The following HEMK2 variants were observed in gnomAD, a reference collection of about 807,000 sequenced individuals.
HEMK2 encodes methyltransferase HEMK2.
At chr21:28,598,794 G>A in the HEMK2 span, among the ~76,000 whole-genome samples, 5 of 152,140 alleles carry the variant, frequency 3.3e-5, no homozygotes, top group South Asian at 2.1e-4. Context: ...TTTCTCAATC[G>A]CAGGACAGTA....
At chr21:28,800,892 C>G in the HEMK2 span, among the ~76,000 whole-genome samples, 1 of 152,152 alleles carries the variant, frequency 6.6e-6, no homozygotes, top group Non-Finnish European at 1.5e-5. Flanking sequence ...ATAAAATGAC[C>G]TGTGGGGCCC....
the HEMK2 span, among the ~76,000 whole-genome samples, chr21:28,628,702 C>T: frequency 6.6e-6 from 1 of 152,230 alleles, no homozygotes; most frequent in Non-Finnish European, 1.5e-5. Flanking sequence ...GATTGGCCCA[C>T]CTTGGCCTCC....
chr21:28,629,080 T>G, the HEMK2 span, among the ~76,000 whole-genome samples: 4 of 152,318 alleles, frequency 2.6e-5, no homozygotes, highest in African/African-American at 4.8e-5. Flanking sequence ...CAGCCCTTCC[T>G]CATCCCTCCC....
the HEMK2 span, among the ~76,000 whole-genome samples, chr21:28,844,087 T>TTA: frequency 6.4e-4 from 98 of 152,064 alleles, no homozygotes; most frequent in African/African-American, 2.1e-3. Context: ...GACAAAGGAA[T>TTA]TATATATATA....
chr21:28,753,976 G>A, the HEMK2 span, among the ~76,000 whole-genome samples: 9 of 152,192 alleles, frequency 5.9e-5, no homozygotes, highest in South Asian at 1.5e-3. Context: ...ATCTGTTTTT[G>A]TCTTTTTAGG....
At chr21:28,848,928 G>C in the HEMK2 span, among the ~76,000 whole-genome samples, 5 of 152,118 alleles carry the variant, frequency 3.3e-5, no homozygotes, top group African/African-American at 9.7e-5. Context: ...CCTGCGCTCT[G>C]CCACTGGTAT....
chr21:28,716,504 A>C, the HEMK2 span, among the ~76,000 whole-genome samples: 2 of 152,156 alleles, frequency 1.3e-5, no homozygotes. Flanking sequence ...ACATTACTGA[A>C]GTCATTTATT....
chr21:28,699,644 A>G, the HEMK2 span, among the ~76,000 whole-genome samples: 1 of 152,226 alleles, frequency 6.6e-6, no homozygotes, highest in Non-Finnish European at 1.5e-5. Flanking sequence ...ATTTAAGAGA[A>G]ATTTGTTTAC....
At chr21:28,609,021 C>T in the HEMK2 span, among the ~76,000 whole-genome samples, 396 of 152,268 alleles carry the variant, frequency 2.6e-3, 2 homozygotes, top group African/African-American at 9.0e-3. Context: ...AGCTCTATGG[C>T]CCCACCCACC....
chr21:28,733,659 T>C, the HEMK2 span, among the ~76,000 whole-genome samples: 152,163 of 152,166 alleles, frequency 1, 76,080 homozygotes, highest in Middle Eastern at 1. Flanking sequence ...CCCCATTTTT[T>C]TCACACACAG....
At chr21:28,701,850 C>T in the HEMK2 span, among the ~76,000 whole-genome samples, 2 of 151,898 alleles carry the variant, frequency 1.3e-5, no homozygotes, top group Admixed American at 1.3e-4. Context: ...TCATATGGAA[C>T]CAAAAAAGAG....
At chr21:28,614,107 T>TC in the HEMK2 span, among the ~76,000 whole-genome samples, 1 of 152,088 alleles carries the variant, frequency 6.6e-6, no homozygotes, top group East Asian at 1.9e-4. Context: ...TCTCTTTTCC[T>TC]CCCCCATCTC....
At chr21:28,698,814 T>C in the HEMK2 span, among the ~76,000 whole-genome samples, 7 of 152,230 alleles carry the variant, frequency 4.6e-5, no homozygotes, top group Admixed American at 2.0e-4. Flanking sequence ...ACTGATTAGA[T>C]ATTTTCCCTG....
the HEMK2 span, chr21:28,876,209 TTACTTG>T: frequency 2.4e-6 from 1 of 423,620 alleles, no homozygotes; most frequent in Non-Finnish European, 4.2e-6. Context: ...ATACACATAT[TTACTTG>T]TACTTGTGCA....
At chr21:28,576,260 T>G in the HEMK2 span, among the ~76,000 whole-genome samples, 1 of 152,310 alleles carries the variant, frequency 6.6e-6, no homozygotes, top group African/African-American at 2.4e-5. Context: ...CTGTCAGCCC[T>G]TTTAATTTCA....
the HEMK2 span, among the ~76,000 whole-genome samples, chr21:28,862,997 G>A: frequency 1.3e-5 from 2 of 152,162 alleles, no homozygotes; most frequent in East Asian, 3.9e-4. Context: ...GATGTGTATA[G>A]GCTCAAGTTG....
chr21:28,634,110 C>A, the HEMK2 span, among the ~76,000 whole-genome samples: 5 of 152,288 alleles, frequency 3.3e-5, no homozygotes, highest in African/African-American at 1.2e-4. Flanking sequence ...AATGTCATAT[C>A]CTCTGACTCA....
the HEMK2 span, among the ~76,000 whole-genome samples, chr21:28,692,912 A>G: frequency 2.0e-5 from 3 of 152,196 alleles, no homozygotes; most frequent in Admixed American, 6.5e-5. Flanking sequence ...CACATTTTGT[A>G]TGCTTCCATC....
chr21:28,587,881 A>G, the HEMK2 span, among the ~76,000 whole-genome samples: 1 of 152,248 alleles, frequency 6.6e-6, no homozygotes, highest in Non-Finnish European at 1.5e-5. Flanking sequence ...AGAGATTAAA[A>G]TAGCATACTT....
Sources: gnomAD v4.1 joint callset for allele counts (sites outside exome capture counted in the v4.1 genomes callset) on GRCh38, gnomAD v4.1.1 for gene constraint, MANE v1.5 for transcripts, NCBI Gene and HGNC (gene_info 2026-07-23, HGNC 2026-07-21) for gene names.